The following MBTPS1 variants were observed in gnomAD, a reference collection of about 807,000 sequenced individuals.
MBTPS1 encodes membrane-bound transcription factor site-1 protease.
A neutral mutation model predicts 127.8 loss-of-function variants in MBTPS1; 94 were observed. The observed-to-expected ratio is 0.74, with a 90% CI of 0.62 to 0.87. MBTPS1 has a LOEUF of 0.87. MBTPS1 is among the 40% of genes least tolerant of loss of function. MBTPS1 has a pLI of 0.00. For missense variants in MBTPS1, 1,636 were observed against 1,353.2 expected (o/e 1.21, Z -3.28); for synonymous variants, 632 against 509.4 (o/e 1.24, Z -3.24).
chr16:84,104,262 T>C (rs1225880247), intron 1 of MBTPS1, among the ~76,000 whole-genome samples: 3 of 152,112 alleles, frequency 2.0e-5, no homozygotes, highest in Non-Finnish European at 4.4e-5. Flanking sequence ...GGAACAATCA[T>C]TTGAGCCCAG....
chr16:84,101,425 A>T (rs1272680701), intron 2 of MBTPS1, among the ~76,000 whole-genome samples, 196 bp downstream of exon 2: 1 of 151,678 alleles, frequency 6.6e-6, no homozygotes, highest in Non-Finnish European at 1.5e-5. Context: ...CAGGAGGTGG[A>T]GGTTACAGTG....
At chr16:84,081,220 TG>T (rs1834142381) in intron 11 of MBTPS1, among the ~76,000 whole-genome samples, 1 of 152,238 alleles carries the variant, frequency 6.6e-6, no homozygotes, top group Non-Finnish European at 1.5e-5. Context: ...TGTGAAACTT[TG>T]CTGTAAATCT....
intron 19 of MBTPS1, among the ~76,000 whole-genome samples, chr16:84,062,184 G>T (rs530382081): frequency 6.6e-6 from 1 of 152,032 alleles, no homozygotes; most frequent in African/African-American, 2.4e-5. Flanking sequence ...GCAGTGGCAC[G>T]ATCTCGGCTC....
intron 11 of MBTPS1, among the ~76,000 whole-genome samples, chr16:84,079,582 C>G (rs1374764798): frequency 6.6e-6 from 1 of 152,186 alleles, no homozygotes; most frequent in East Asian, 1.9e-4. Flanking sequence ...GCTAGCAGTT[C>G]CAAAGCTGCT....
chr16:84,075,845 C>A (rs2085847828), intron 11 of MBTPS1, among the ~76,000 whole-genome samples: 2 of 151,646 alleles, frequency 1.3e-5, no homozygotes, highest in Non-Finnish European at 1.5e-5. Context: ...TGAAGTTCAC[C>A]AAAAAAAGAA....
intron 11 of MBTPS1, among the ~76,000 whole-genome samples, chr16:84,080,126 C>G (rs955250630): frequency 1.8e-4 from 28 of 152,122 alleles, no homozygotes; most frequent in African/African-American, 6.5e-4. Context: ...CTCCCAACAG[C>G]CAACTCGGGG....
At chr16:84,100,997 T>TATAA (rs1273256620) in intron 2 of MBTPS1, among the ~76,000 whole-genome samples, 1 of 23,372 alleles carries the variant, frequency 4.3e-5, no homozygotes, top group Non-Finnish European at 8.7e-5. Flanking sequence ...CTACTAAAAA[T>TATAA]ACAAAAAAAA....
intron 1 of MBTPS1, among the ~76,000 whole-genome samples, chr16:84,112,196 TC>T (rs2151175774): frequency 6.6e-6 from 1 of 151,516 alleles, no homozygotes; most frequent in South Asian, 2.1e-4. Context: ...AGAGACTGTC[TC>T]AAATGGAAAC....
rs542648182 is a variant in MBTPS1 at position 84,090,859 on chromosome 16, T to C, written c.1031+16A>G. The stretch of plus-strand genomic sequence containing the variant: ...GGGAAAAAATCCCCGAGGTCATCCC[T>C]GCTGGGGCTACTTACCCATAAAGAG... On this transcript the variant is annotated intron_variant, in intron 8 of 22. Transcript: ENST00000343411. 9 of 1,601,666 alleles carry C rather than the reference T, an allele frequency of 5.6e-6. No individual in the cohort carries two copies. In the Admixed American group the frequency reaches 1.4e-4, roughly 24 times the overall value.
chr16:84,083,671 G>C (rs186660381), intron 10 of MBTPS1, among the ~76,000 whole-genome samples: 2 of 152,128 alleles, frequency 1.3e-5, no homozygotes, highest in Admixed American at 6.5e-5. Context: ...TTTACTTAAA[G>C]AGAACTTAAA....
intron 1 of MBTPS1, among the ~76,000 whole-genome samples, chr16:84,103,802 C>G (rs927493530): frequency 1.3e-5 from 2 of 152,122 alleles, no homozygotes; most frequent in Non-Finnish European, 1.5e-5. Context: ...ACAACTGATC[C>G]TGAAAAACAA....
intron 1 of MBTPS1, among the ~76,000 whole-genome samples, chr16:84,104,016 A>G (rs2086291560): frequency 6.6e-6 from 1 of 152,356 alleles, no homozygotes; most frequent in South Asian, 2.1e-4. Context: ...AAGTTTGCTC[A>G]GGAGTAAGCC....
intron 13 of MBTPS1, among the ~76,000 whole-genome samples, chr16:84,070,308 A>G (rs1310007912): frequency 6.6e-6 from 1 of 152,218 alleles, no homozygotes; most frequent in Non-Finnish European, 1.5e-5. Flanking sequence ...TAGAGAATGT[A>G]TATTTTTGGT....
chr16:84,070,093 C>T, intron 13 of MBTPS1, 55 bp from the exon 14 acceptor site: 1 of 1,447,796 alleles, frequency 6.9e-7, no homozygotes, highest in Non-Finnish European at 9.3e-7. Context: ...AAGAAACTTT[C>T]AGGTTTGAAA....
At chr16:84,108,055 G>T (rs11648491) in intron 1 of MBTPS1, among the ~76,000 whole-genome samples, 3 of 151,380 alleles carry the variant, frequency 2.0e-5, no homozygotes, top group Non-Finnish European at 2.9e-5. Flanking sequence ...AAGTCAGTGA[G>T]GCTTTGCAAG....
Position 84,114,122 on chromosome 16 carries a change from G to A in MBTPS1, c.-325+2613C>T, listed in dbSNP as rs529142897. 5.2e-4 allele frequency among the ~76,000 whole-genome samples: 44 copies of A among 84,590 alleles called. 1 individual carries two copies. In the East Asian group the frequency reaches 0.019, roughly 36 times the overall value. 55.5% of individuals were successfully genotyped at this position (84,590 alleles called of 152,430 possible). On this transcript the variant is annotated intron_variant, in intron 1 of 22. Transcript: ENST00000343411. The stretch of plus-strand genomic sequence containing the variant: ...TGGGACTACAGGCGCATGCCACCAC[G>A]CCCGGCTAATTTTTTTGTATTTTAG...
chr16:84,079,907 G>A (rs572708104), intron 11 of MBTPS1, among the ~76,000 whole-genome samples: 1 of 152,206 alleles, frequency 6.6e-6, no homozygotes, highest in Admixed American at 6.5e-5. Flanking sequence ...AGTAACCACT[G>A]TGAGCACAGC....
At chr16:84,086,958 A>G (rs943450433) in intron 9 of MBTPS1, among the ~76,000 whole-genome samples, 1 of 152,092 alleles carries the variant, frequency 6.6e-6, no homozygotes, top group African/African-American at 2.4e-5. Context: ...TGGTTTCTCC[A>G]ACTTCTTAAG....
chr16:84,099,075 A>G lies in MBTPS1; in HGVS notation c.399T>C (p.Phe133=), dbSNP rs765713211. ...CACATTCAGCATACTTGAGGGAACG[A>G]AAGACTTTTCGTTGGGGCGTGACCC... is the stretch of plus-strand genomic sequence containing the variant. ...IKRVTPQRKV[F]RSLKYAESDP... Residue 133 remains phenylalanine, a synonymous_variant, in exon 3 of 23, where the codon TTT becomes TTC. Coordinates refer to ENST00000343411, the MANE Select transcript of MBTPS1 (RefSeq NM_003791.4). 5.0e-6 allele frequency: 8 copies of G among 1,614,204 alleles called. No individual in the cohort carries two copies. The highest frequency in any genetic ancestry group is 4.4e-5 in the South Asian group (4 of 91,080).
Sources: gnomAD v4.1 joint callset for allele counts (sites outside exome capture counted in the v4.1 genomes callset) on GRCh38, gnomAD v4.1.1 for gene constraint, MANE v1.5 for transcripts, NCBI Gene and HGNC (gene_info 2026-07-23, HGNC 2026-07-21) for gene names.